IL1R1: variants seen among roughly 807,000 people sequenced by gnomAD.
IL1R1 encodes the protein interleukin 1 receptor type 1, also known as interleukin-1 receptor type 1.
In IL1R1, 22 loss-of-function variants were observed where a neutral mutation model predicts 50.2. The ratio of observed to expected loss-of-function variants is 0.44; its 90% CI spans 0.31 to 0.63. The LOEUF is 0.63. Ranked by LOEUF, IL1R1 falls within the 20% of genes least tolerant of loss-of-function variation. IL1R1 has a pLI of 0.07. For missense variants in IL1R1, 509 were observed against 676.2 expected (o/e 0.75, Z 2.74); for synonymous variants, 251 against 236.7 (o/e 1.06, Z -0.55).
At chr2:102,081,351 T>A (rs1679200414) in intron 1 of IL1R1, among the ~76,000 whole-genome samples, 1 of 151,930 alleles carries the variant, frequency 6.6e-6, no homozygotes, top group African/African-American at 2.4e-5. Context: ...GATGGAAGAG[T>A]TTGAACCACA....
chr2:102,071,725 T>C (rs1398165502), intron 1 of IL1R1, among the ~76,000 whole-genome samples: 1 of 152,140 alleles, frequency 6.6e-6, no homozygotes, highest in Non-Finnish European at 1.5e-5. Context: ...CAAAATGGTT[T>C]TTGTAGTGGC....
At chr2:102,152,481 G>C (rs1215080777) in intron 1 of IL1R1, among the ~76,000 whole-genome samples, 2 of 120,704 alleles carry the variant, frequency 1.7e-5, no homozygotes, top group African/African-American at 6.4e-5. Context: ...CTCCAGCCTG[G>C]GGGACAGAGC....
chr2:102,165,358 C>T (rs1685094629), intron 5 of IL1R1, 54 bp downstream of exon 5: 1 of 998,914 alleles, frequency 1.0e-6, no homozygotes, highest in Non-Finnish European at 1.4e-6. Flanking sequence ...AAATAGTTCC[C>T]TGGACAATAG....
chr2:102,141,084 A>C (rs974788678), upstream of IL1R1, among the ~76,000 whole-genome samples: 4 of 152,238 alleles, frequency 2.6e-5, no homozygotes, highest in African/African-American at 9.6e-5. Flanking sequence ...GTTCACCATC[A>C]TAGTGCTTCT....
At chr2:102,142,421 C>G (rs770688371), upstream of IL1R1, 1 of 152,150 alleles carries the variant, frequency 6.6e-6, no homozygotes, top group Non-Finnish European at 1.5e-5. Flanking sequence ...CAGCCAGGCT[C>G]CATGGGGGTA....
At chr2:102,071,687 G>A (rs1364714849) in intron 1 of IL1R1, among the ~76,000 whole-genome samples, 1 of 152,176 alleles carries the variant, frequency 6.6e-6, no homozygotes, top group Non-Finnish European at 1.5e-5. Flanking sequence ...TGTTGGTTTT[G>A]TTTGAAGATT....
intron 1 of IL1R1, among the ~76,000 whole-genome samples, chr2:102,120,010 C>T (rs530005227): frequency 6.6e-6 from 1 of 152,246 alleles, no homozygotes; most frequent in Non-Finnish European, 1.5e-5. Context: ...GTCATTAGTC[C>T]CCTGTCAGAA....
intron 1 of IL1R1, among the ~76,000 whole-genome samples, chr2:102,125,413 T>C (rs1681653983): frequency 6.6e-6 from 1 of 152,216 alleles, no homozygotes; most frequent in African/African-American, 2.4e-5. Flanking sequence ...TAGCTCTTGA[T>C]AAACTTATTA....
At chr2:102,142,147 C>G (rs1175193707), upstream of IL1R1, 1 of 152,146 alleles carries the variant, frequency 6.6e-6, no homozygotes, top group African/African-American at 2.4e-5. Flanking sequence ...CAGCAGATAA[C>G]GCGTGAGTAG....
chr2:102,136,906 C>T (rs1432032940), intron 1 of IL1R1, among the ~76,000 whole-genome samples: 2 of 152,192 alleles, frequency 1.3e-5, no homozygotes, highest in Non-Finnish European at 2.9e-5. Context: ...TGGAGACTTA[C>T]CTCTCATGGG....
At chr2:102,106,309 G>A (rs1045944790) in intron 1 of IL1R1, among the ~76,000 whole-genome samples, 1 of 152,064 alleles carries the variant, frequency 6.6e-6, no homozygotes, top group Non-Finnish European at 1.5e-5. Flanking sequence ...GTGTTGATCT[G>A]TTAGGAAAAG....
intron 7 of IL1R1, among the ~76,000 whole-genome samples, chr2:102,170,037 G>A (rs987033317): frequency 1.3e-5 from 2 of 152,152 alleles, no homozygotes; most frequent in Non-Finnish European, 2.9e-5. Context: ...TGCCCTAGAA[G>A]TGTGTAATTG....
In IL1R1 at chr2:102,179,809, A is replaced by G. The variant is rs1686433818; in HGVS notation, c.*3050A>G. On this transcript the variant is annotated 3_prime_UTR_variant, in exon 12 of 12. Transcript: ENST00000410023. The stretch of plus-strand genomic sequence containing the variant: ...ATATTAAAGCACCAAATTCATGTAC[A>G]GCATGCATCACGGATCAATAGACTG... 1 of 152,792 alleles carries G rather than the reference A, an allele frequency of 6.5e-6. No individual in the cohort carries two copies. Among genetic ancestry groups the G allele is most frequent in the South Asian group, 2.1e-4 (1 of 4,838 alleles). The allele number at this position is 152,792 out of a possible 1,614,324, so 9.5% of individuals were successfully genotyped here. A position where few individuals can be genotyped will look rare whatever the true frequency, so the allele number is the denominator to read the frequency against.
intron 2 of IL1R1, among the ~76,000 whole-genome samples, chr2:102,155,010 A>G (rs901355175): frequency 6.6e-6 from 1 of 152,158 alleles, no homozygotes; most frequent in African/African-American, 2.4e-5. Flanking sequence ...CTGTGTCCAC[A>G]TTCCCTGCAA....
intron 1 of IL1R1, among the ~76,000 whole-genome samples, chr2:102,124,922 TA>T (rs139259819): frequency 0.19 from 28,032 of 150,640 alleles, 2,715 homozygotes; most frequent in South Asian, 0.21. Context: ...TCTCAAAAAA[TA>T]AAAAAAAATA....
At chr2:102,143,387 G>A (rs1682844393) in intron 1 of IL1R1, among the ~76,000 whole-genome samples, 1 of 152,156 alleles carries the variant, frequency 6.6e-6, no homozygotes, top group South Asian at 2.1e-4. Flanking sequence ...TCCTTAACAA[G>A]GTAAGGGCTG....
chr2:102,154,373 C>T (rs1683970788), intron 2 of IL1R1, among the ~76,000 whole-genome samples: 1 of 152,186 alleles, frequency 6.6e-6, no homozygotes, highest in Non-Finnish European at 1.5e-5. Flanking sequence ...TGTTCAAATT[C>T]TTGCTTTCTG....
At chr2:102,127,401 C>A (rs894138653) in intron 1 of IL1R1, among the ~76,000 whole-genome samples, 4 of 152,032 alleles carry the variant, frequency 2.6e-5, no homozygotes, top group Admixed American at 2.0e-4. Context: ...CTTTAATGGG[C>A]AGAGTTAAAT....
intron 1 of IL1R1, among the ~76,000 whole-genome samples, chr2:102,118,185 C>G (rs1681195454): frequency 1.3e-5 from 2 of 151,982 alleles, no homozygotes; most frequent in African/African-American, 4.8e-5. Context: ...GACCTGGAGG[C>G]TGGAGATTGA....
Sources: gnomAD v4.1 joint callset for allele counts (sites outside exome capture counted in the v4.1 genomes callset) on GRCh38, gnomAD v4.1.1 for gene constraint, MANE v1.5 for transcripts, NCBI Gene and HGNC (gene_info 2026-07-23, HGNC 2026-07-21) for gene names.